Variants in DNAH12 observed in about 807,000 individuals in gnomAD.
The protein encoded by DNAH12 is axonemal beta dynein heavy chain 12.
In DNAH12, 285 loss-of-function variants were observed where a neutral mutation model predicts 371.5. That is an observed-to-expected ratio of 0.77 (90% CI 0.70 to 0.85). The LOEUF (loss-of-function observed/expected upper bound fraction) is 0.85, where lower values mean the gene tolerates loss of function less well. Among genes scored for constraint, DNAH12 ranks in the 40% least tolerant of loss-of-function variants. The pLI, the probability that DNAH12 is intolerant of heterozygous loss-of-function variation, is 0.00. For missense variants in DNAH12, 3,611 were observed against 3,689.4 expected, an observed-to-expected ratio of 0.98 and a Z score of 0.55; for synonymous variants, 1,200 against 1,213.0, an observed-to-expected ratio of 0.99 and a Z score of 0.22.
chr3:57,460,461 T>C (rs1178283860), intron 19 of DNAH12, among the ~76,000 whole-genome samples: 1 of 152,236 alleles, frequency 6.6e-6, no homozygotes, highest in Non-Finnish European at 1.5e-5. Context: ...TTCTTAAATA[T>C]GTGCCTAAGG....
chr3:57,475,615 CA>C (rs551423575), intron 13 of DNAH12, among the ~76,000 whole-genome samples: 1 of 151,784 alleles, frequency 6.6e-6, no homozygotes, highest in Non-Finnish European at 1.5e-5. Context: ...GTACATAACC[CA>C]AAAAAATAAA....
chr3:57,532,942 A>T (rs1218230472), intron 2 of DNAH12, among the ~76,000 whole-genome samples: 2 of 152,196 alleles, frequency 1.3e-5, no homozygotes, highest in Non-Finnish European at 2.9e-5. Flanking sequence ...CCCAAGCCCC[A>T]GGTGGGTCCA....
chr3:57,498,808 G>C (rs1037211282), intron 11 of DNAH12, among the ~76,000 whole-genome samples: 1 of 152,086 alleles, frequency 6.6e-6, no homozygotes, highest in Admixed American at 6.6e-5. Context: ...GACCATCCTG[G>C]CTAACATGGT....
At chr3:57,322,758 C>T (rs889760696) in intron 64 of DNAH12, among the ~76,000 whole-genome samples, 3 of 152,008 alleles carry the variant, frequency 2.0e-5, no homozygotes, top group African/African-American at 7.3e-5. Flanking sequence ...GGTGAAACCC[C>T]ATTTCTACTA....
chr3:57,547,679 A>C (rs2069590467), upstream of DNAH12, among the ~76,000 whole-genome samples: 1 of 152,220 alleles, frequency 6.6e-6, no homozygotes, highest in Non-Finnish European at 1.5e-5. Flanking sequence ...ACTACAGATA[A>C]TGCAGAGAAA....
chr3:57,523,496 G>T, intron 4 of DNAH12, 87 bp downstream of exon 4: 3 of 1,080,230 alleles, frequency 2.8e-6, no homozygotes, highest in Non-Finnish European at 4.0e-6. Context: ...TTCTAGAATG[G>T]GACTTAGCAG....
chr3:57,469,311 A>G (rs1355746459), intron 16 of DNAH12, among the ~76,000 whole-genome samples: 1 of 152,252 alleles, frequency 6.6e-6, no homozygotes, highest in African/African-American at 2.4e-5. Flanking sequence ...ATTATTAAAA[A>G]GTAAAACAAA....
At chr3:57,365,141 A>G (rs2063020294) in intron 57 of DNAH12, among the ~76,000 whole-genome samples, 1 of 152,244 alleles carries the variant, frequency 6.6e-6, no homozygotes, top group South Asian at 2.1e-4. Context: ...TCATTCTATT[A>G]TAAAGGTACA....
intron 4 of DNAH12, among the ~76,000 whole-genome samples, chr3:57,516,227 C>G (rs1234070813): frequency 6.6e-6 from 1 of 151,900 alleles, no homozygotes; most frequent in East Asian, 1.9e-4. Context: ...CCATGCCCGG[C>G]TAATTTTTTT....
chr3:57,313,148 T>C (rs1464595792), intron 66 of DNAH12, among the ~76,000 whole-genome samples: 1 of 152,184 alleles, frequency 6.6e-6, no homozygotes, highest in Non-Finnish European at 1.5e-5. Flanking sequence ...CCAAGCTCCC[T>C]TACAGCTAAA....
chr3:57,333,672 T>G (rs1046048135), intron 62 of DNAH12, among the ~76,000 whole-genome samples: 11 of 152,166 alleles, frequency 7.2e-5, no homozygotes, highest in African/African-American at 2.4e-4. Flanking sequence ...TCTTAGTTCA[T>G]GGGATGGACC....
At chr3:57,503,908 G>T in intron 9 of DNAH12, 108 bp downstream of exon 9, 1 of 880,564 alleles carries the variant, frequency 1.1e-6, no homozygotes, top group South Asian at 3.3e-5. Context: ...AAATAATTGG[G>T]GGAGGAAAAT....
At chr3:57,325,886 G>A (rs1192155423) in intron 62 of DNAH12, among the ~76,000 whole-genome samples, 1 of 152,214 alleles carries the variant, frequency 6.6e-6, no homozygotes. Context: ...AGCTGATGGA[G>A]CTGAAAGCCA....
At chr3:57,462,623 C>T in intron 18 of DNAH12, 67 bp downstream of exon 18, 1 of 1,499,414 alleles carries the variant, frequency 6.7e-7, no homozygotes, top group Admixed American at 2.2e-5. Context: ...TCAACCCCAA[C>T]AAAAACTATG....
Position 57,471,542 on chromosome 3 carries a change from A to G in DNAH12, c.1841T>C (p.Leu614Ser). ...ELMAKREKLILEIEKESRRME... is the reference protein window; with the variant it reads ...ELMAKREKLISEIEKESRRME... ...GCGGCGTGATTCTTTTTCTATTTCC[A>G]AAATAAGTTTCTCTCTCTTGGCCAT... is the stretch of plus-strand genomic sequence containing the variant. Residue 614 changes from leucine (L) to serine (S), a missense_variant, in exon 15 of 74, where the codon TTG becomes TCG. Leu to Ser is a moderately radical substitution (Grantham distance 145). Coordinates refer to ENST00000495027, the MANE Select transcript of DNAH12 (RefSeq NM_001366028.2). 1 of 1,549,660 alleles carries G rather than the reference A, an allele frequency of 6.5e-7. No individual in the cohort carries two copies. Among genetic ancestry groups the G allele is most frequent in the African/African-American group, 1.4e-5 (1 of 73,032 alleles).
chr3:57,329,443 G>A (rs2062035895), intron 62 of DNAH12, among the ~76,000 whole-genome samples: 2 of 126,842 alleles, frequency 1.6e-5, no homozygotes, highest in Admixed American at 1.6e-4. Flanking sequence ...ACAAACCTGA[G>A]AAAAACAAGC....
At chr3:57,506,040 C>CA (rs2067746698) in intron 8 of DNAH12, among the ~76,000 whole-genome samples, 1 of 152,182 alleles carries the variant, frequency 6.6e-6, no homozygotes, top group African/African-American at 2.4e-5. Context: ...GCCACCACAC[C>CA]CAGCCAAACC....
At chr3:57,345,294 G>C (rs1271806102) in intron 60 of DNAH12, among the ~76,000 whole-genome samples, 1 of 151,824 alleles carries the variant, frequency 6.6e-6, no homozygotes, top group Non-Finnish European at 1.5e-5. Flanking sequence ...TCTGTCTCTT[G>C]GGAGAACTTC....
intron 13 of DNAH12, among the ~76,000 whole-genome samples, chr3:57,478,299 C>T (rs1394386682): frequency 6.6e-6 from 1 of 152,030 alleles, no homozygotes; most frequent in African/African-American, 2.4e-5. Flanking sequence ...GTAGCCGATT[C>T]GATCAACTGG....
Sources: gnomAD v4.1 joint callset for allele counts (sites outside exome capture counted in the v4.1 genomes callset) on GRCh38, gnomAD v4.1.1 for gene constraint, MANE v1.5 for transcripts, NCBI Gene and HGNC (gene_info 2026-07-23, HGNC 2026-07-21) for gene names.